ANO4: variants seen among roughly 807,000 people sequenced by gnomAD.
ANO4 encodes anoctamin-4.
A neutral mutation model predicts 141.9 loss-of-function variants in ANO4; 69 were observed. That is an observed-to-expected ratio of 0.49 (90% CI 0.40 to 0.59). ANO4 has a LOEUF of 0.59. Ranked by LOEUF, ANO4 falls within the 20% of genes least tolerant of loss-of-function variation. The pLI, the probability that ANO4 is intolerant of heterozygous loss-of-function variation, is 0.00. For missense variants in ANO4, 894 were observed against 1,162.2 expected, an observed-to-expected ratio of 0.77 and a Z score of 3.36; for synonymous variants, 350 against 394.3, an observed-to-expected ratio of 0.89 and a Z score of 1.33.
chr12:100,832,814 A>T (rs1022670515), intron 1 of ANO4, among the ~76,000 whole-genome samples: 2 of 152,138 alleles, frequency 1.3e-5, no homozygotes, highest in Non-Finnish European at 2.9e-5. Flanking sequence ...TCTTAAAGAT[A>T]CCATCTTAAA....
chr12:101,105,875 CTT>C (rs1216944626), intron 22 of ANO4, among the ~76,000 whole-genome samples: 1 of 152,174 alleles, frequency 6.6e-6, no homozygotes, highest in Non-Finnish European at 1.5e-5. Flanking sequence ...CATCCCAGCA[CTT>C]TGGGAGGCCA....
chr12:100,834,100 G>A (rs1174327821), intron 1 of ANO4, among the ~76,000 whole-genome samples: 1 of 152,126 alleles, frequency 6.6e-6, no homozygotes, highest in Non-Finnish European at 1.5e-5. Flanking sequence ...TGAGAGACGA[G>A]GAATCTGGTG....
At chr12:101,005,331 C>T (rs2045826661) in intron 8 of ANO4, among the ~76,000 whole-genome samples, 1 of 152,182 alleles carries the variant, frequency 6.6e-6, no homozygotes, top group African/African-American at 2.4e-5. Context: ...TATTCTGGCT[C>T]ACTTTTGAAT....
chr12:100,982,033 G>A (rs975141970), intron 7 of ANO4, among the ~76,000 whole-genome samples: 18 of 152,020 alleles, frequency 1.2e-4, no homozygotes, highest in Non-Finnish European at 2.2e-4. Flanking sequence ...CCAGGTACCC[G>A]GAATCTCACC....
chr12:100,996,099 C>CAGAT lies in ANO4; in HGVS notation c.734+8430_734+8431insGATA, dbSNP rs564574064. ...CTAACTGATAATCTATCTTCTCTAT[C>CAGAT]AAACATTTTACGGCCATTAAATTCT... On this transcript the variant is annotated intron_variant, in intron 8 of 27. Coordinates refer to ENST00000392977, the MANE Select transcript of ANO4 (RefSeq NM_001286615.2). Among the ~76,000 whole-genome samples, 124 of 152,314 alleles carry CAGAT rather than the reference C, an allele frequency of 8.1e-4. 2 individuals carry two copies. Among genetic ancestry groups the CAGAT allele is most frequent in the Admixed American group, 7.9e-3 (121 of 15,304 alleles).
At chr12:100,845,812 A>C (rs1177594689) in intron 1 of ANO4, among the ~76,000 whole-genome samples, 1 of 152,206 alleles carries the variant, frequency 6.6e-6, no homozygotes, top group Non-Finnish European at 1.5e-5. Flanking sequence ...TTACCAGTTC[A>C]TTGTAAGTTG....
chr12:100,831,239 G>GA (rs1480659551), intron 1 of ANO4, among the ~76,000 whole-genome samples: 1 of 152,072 alleles, frequency 6.6e-6, no homozygotes, highest in Non-Finnish European at 1.5e-5. Flanking sequence ...ATTTCTGGTG[G>GA]CACGTGTCTT....
At chr12:100,942,002 A>G (rs2042541814) in intron 4 of ANO4, among the ~76,000 whole-genome samples, 1 of 133,626 alleles carries the variant, frequency 7.5e-6, no homozygotes, top group Non-Finnish European at 1.6e-5. Context: ...TTATTTTGAG[A>G]TGGAGTCTCA....
chr12:100,993,638 C>T (rs1352940874), intron 8 of ANO4, among the ~76,000 whole-genome samples: 1 of 152,052 alleles, frequency 6.6e-6, no homozygotes, highest in Non-Finnish European at 1.5e-5. Context: ...ACCTAGGCTA[C>T]TGTTATCTTG....
intron 3 of ANO4, among the ~76,000 whole-genome samples, chr12:100,757,442 A>G (rs1207319714): frequency 1.3e-5 from 2 of 152,078 alleles, no homozygotes; most frequent in Non-Finnish European, 1.5e-5. Context: ...ATGCTTCATG[A>G]TTGGGCCTCT....
At position 101,127,404 on chromosome 12, in the gene ANO4, C is replaced by T. The variant is rs1254441278; in HGVS notation, c.*4+330C>T. 2.6e-5 allele frequency among the ~76,000 whole-genome samples: 4 copies of T among 152,030 alleles called. No homozygotes were observed. The East Asian group carries it at 7.7e-4, about 29-fold the overall frequency. On this transcript the variant is annotated intron_variant, in intron 27 of 27. Coordinates refer to ENST00000392977, the MANE Select transcript of ANO4 (RefSeq NM_001286615.2). ...GCCGGGCTGTTTTCTTTAATATCCC[C>T]AGGGAAACATGCCCCTTCTTTCTAG...
intron 5 of ANO4, among the ~76,000 whole-genome samples, chr12:100,960,760 G>T (rs550605989): frequency 6.6e-6 from 1 of 152,274 alleles, no homozygotes; most frequent in Admixed American, 6.5e-5. Flanking sequence ...CGATTCATGG[G>T]TTACTGATTG....
chr12:100,978,562 A>T (rs1299807676), intron 7 of ANO4, among the ~76,000 whole-genome samples: 2 of 152,236 alleles, frequency 1.3e-5, no homozygotes, highest in Admixed American at 6.5e-5. Flanking sequence ...ACTGTTACAA[A>T]GTTCTTCTTT....
Position 101,075,848 on chromosome 12 carries a change from C to T in ANO4, c.1313-3345C>T, listed in dbSNP as rs143387691. Reference sequence around the variant, plus strand: ...TAGGCACACTGAAAGTGCAGGGGCTCCCAAGGCTGTGAGTATTCAGAGGAG... The same window carrying T: ...TAGGCACACTGAAAGTGCAGGGGCTTCCAAGGCTGTGAGTATTCAGAGGAG... On this transcript the variant is annotated intron_variant, in intron 14 of 27. Transcript: ENST00000392977. Among the ~76,000 whole-genome samples the T allele has an allele frequency of 7.5e-3, 1,146 of 151,904 alleles. 8 individuals carry two copies. The highest frequency in any genetic ancestry group is 0.012 in the Non-Finnish European group (818 of 67,962).
At chr12:100,825,098 C>T (rs1003237763) in intron 1 of ANO4, among the ~76,000 whole-genome samples, 1 of 152,030 alleles carries the variant, frequency 6.6e-6, no homozygotes, top group Non-Finnish European at 1.5e-5. Flanking sequence ...AATAACTTCA[C>T]TGGTATCAAT....
chr12:100,966,823 A>G (rs1205281194), intron 5 of ANO4, among the ~76,000 whole-genome samples: 1 of 131,082 alleles, frequency 7.6e-6, no homozygotes, highest in Non-Finnish European at 1.6e-5. Context: ...ACACATATAT[A>G]TATACACATA....
intron 10 of ANO4, among the ~76,000 whole-genome samples, chr12:101,039,289 G>A (rs541856722): frequency 3.3e-5 from 5 of 152,302 alleles, no homozygotes; most frequent in Admixed American, 6.5e-5. Flanking sequence ...CAGATCGCTT[G>A]AGTCTAGGAA....
intron 1 of ANO4, chr12:100,733,634 T>C: frequency 3.6e-6 from 2 of 557,732 alleles, no homozygotes; most frequent in Non-Finnish European, 6.4e-6. Flanking sequence ...CGTTGATGGG[T>C]GAACCACTGA....
At chr12:100,928,865 T>C (rs937703325) in intron 3 of ANO4, among the ~76,000 whole-genome samples, 1 of 152,176 alleles carries the variant, frequency 6.6e-6, no homozygotes, top group Non-Finnish European at 1.5e-5. Flanking sequence ...GTTAATGATC[T>C]CAACCCCATT....
Sources: gnomAD v4.1 joint callset for allele counts (sites outside exome capture counted in the v4.1 genomes callset) on GRCh38, gnomAD v4.1.1 for gene constraint, MANE v1.5 for transcripts, NCBI Gene and HGNC (gene_info 2026-07-23, HGNC 2026-07-21) for gene names.